The following TBC1D14 variants were observed in gnomAD, a reference collection of about 807,000 sequenced individuals.
TBC1D14 encodes TBC1 domain family, member 14.
A neutral mutation model predicts 79.0 loss-of-function variants in TBC1D14; 26 were observed. The ratio of observed to expected loss-of-function variants is 0.33; its 90% CI spans 0.24 to 0.46. The LOEUF (loss-of-function observed/expected upper bound fraction) is 0.46. TBC1D14 is among the 20% of genes least tolerant of loss of function. The pLI, the probability that TBC1D14 is intolerant of heterozygous loss-of-function variation, is 1.00. For synonymous variants in TBC1D14, 394 were observed against 349.9 expected (o/e 1.13, Z -1.40); for missense variants, 769 against 887.6 (o/e 0.87, Z 1.70).
intron 12 of TBC1D14, among the ~76,000 whole-genome samples, chr4:7,023,010 C>G (rs1054770263): frequency 6.6e-6 from 1 of 152,020 alleles, no homozygotes; most frequent in South Asian, 2.1e-4. Flanking sequence ...AATCCCAGCA[C>G]TTTGGTAGGC....
chr4:6,931,339 A>G (rs1485206267), intron 2 of TBC1D14, among the ~76,000 whole-genome samples: 2 of 152,176 alleles, frequency 1.3e-5, no homozygotes, highest in Non-Finnish European at 2.9e-5. Context: ...TTTTCCAGCC[A>G]CTGGTTTACA....
At chr4:6,920,491 A>G (rs900908101) in intron 1 of TBC1D14, among the ~76,000 whole-genome samples, 1 of 152,106 alleles carries the variant, frequency 6.6e-6, no homozygotes, top group Non-Finnish European at 1.5e-5. Context: ...ACACTGAGGC[A>G]GGCCAGGCTT....
At chr4:6,978,062 A>ACGT (rs1389457248) in intron 3 of TBC1D14, among the ~76,000 whole-genome samples, 1 of 151,272 alleles carries the variant, frequency 6.6e-6, no homozygotes, top group Non-Finnish European at 1.5e-5. Flanking sequence ...CCCGTCTGGG[A>ACGT]GGGAGGTGGG....
At chr4:6,923,281 A>T in intron 1 of TBC1D14, 92 bp from the exon 2 acceptor site, 1 of 1,393,864 alleles carries the variant, frequency 7.2e-7, no homozygotes, top group Non-Finnish European at 9.7e-7. Flanking sequence ...TTTCTCCCTT[A>T]AGTGAGATCA....
intron 12 of TBC1D14, among the ~76,000 whole-genome samples, chr4:7,022,034 T>G (rs776854651): frequency 3.3e-5 from 5 of 152,252 alleles, no homozygotes; most frequent in Non-Finnish European, 7.3e-5. Flanking sequence ...GGCTTTCAAA[T>G]CTAAATGTGG....
chr4:6,937,676 C>G (rs1189653234), intron 2 of TBC1D14, among the ~76,000 whole-genome samples: 1 of 152,174 alleles, frequency 6.6e-6, no homozygotes, highest in Non-Finnish European at 1.5e-5. Flanking sequence ...TGCACAGGTA[C>G]ACGTGCAGGG....
At chr4:7,007,174 G>C (rs2109232584) in intron 9 of TBC1D14, among the ~76,000 whole-genome samples, 1 of 152,332 alleles carries the variant, frequency 6.6e-6, no homozygotes, top group South Asian at 2.1e-4. Context: ...CTGGCAGCCT[G>C]GGTGGGTGGC....
intron 3 of TBC1D14, among the ~76,000 whole-genome samples, chr4:6,972,706 C>T (rs1305160742): frequency 6.6e-6 from 1 of 152,142 alleles, no homozygotes; most frequent in Non-Finnish European, 1.5e-5. Flanking sequence ...TTTACTGGCC[C>T]AATCAGAAAC....
At chr4:6,947,158 C>CA (rs1272704594) in intron 2 of TBC1D14, among the ~76,000 whole-genome samples, 5 of 151,300 alleles carry the variant, frequency 3.3e-5, no homozygotes, top group Admixed American at 1.3e-4. Flanking sequence ...TTCAGGAGTT[C>CA]AAGACCAGCC....
At chr4:6,924,538 C>T (rs968341767) in intron 2 of TBC1D14, among the ~76,000 whole-genome samples, 14 of 152,274 alleles carry the variant, frequency 9.2e-5, no homozygotes, top group African/African-American at 2.6e-4. Context: ...GCTGGCATGC[C>T]GGGTGTTCCA....
rs77312739 is a variant in TBC1D14 at position 6,915,952 on chromosome 4, T to TAA, written c.-18+6015_-18+6016dup. Reference sequence around the variant, plus strand: ...CAACATGGTGAAATCCCACCTCTACTAAAAAAAAAAAAAAATGCAAAAAAT... The same window carrying TAA: ...CAACATGGTGAAATCCCACCTCTACTAAAAAAAAAAAAAAAAATGCAAAAAAT... On this transcript the variant is annotated intron_variant, in intron 1 of 13. Transcript: ENST00000409757. Among the ~76,000 whole-genome samples, 7 of 137,360 alleles carry TAA rather than the reference T, an allele frequency of 5.1e-5. No individual in the cohort carries two copies. The East Asian group carries it at 1.3e-3, about 25-fold the overall frequency. 90.1% of individuals were successfully genotyped at this position (137,360 alleles called of 152,430 possible).
At chr4:6,957,634 T>C (rs986411453) in intron 2 of TBC1D14, among the ~76,000 whole-genome samples, 2 of 152,194 alleles carry the variant, frequency 1.3e-5, no homozygotes, top group Non-Finnish European at 1.5e-5. Flanking sequence ...GGGAAGAGAA[T>C]GTGTCTTTTA....
At chr4:7,023,579 AT>A (rs1303010878) in intron 12 of TBC1D14, among the ~76,000 whole-genome samples, 3 of 152,288 alleles carry the variant, frequency 2.0e-5, no homozygotes, top group Middle Eastern at 3.4e-3. Context: ...AAGGCTTGTG[AT>A]TTTAGAATCA....
Position 7,032,829 on chromosome 4 carries a change from C to T in TBC1D14, c.*2437C>T, listed in dbSNP as rs1723184756. ...ACTCTCACAGTCTAAGACTTCAGGG[C>T]CGGGACCTTTGTCCAGCCTGCACAG... On this transcript the variant is annotated 3_prime_UTR_variant, in exon 14 of 14. Transcript: ENST00000409757. The T allele has an allele frequency of 6.6e-6, 1 of 152,246 alleles. No individual in the cohort carries two copies. Among genetic ancestry groups the T allele is most frequent in the African/African-American group, 2.4e-5 (1 of 41,452 alleles). The allele number at this position is 152,246 out of a possible 1,614,324, so 9.4% of individuals were successfully genotyped here.
At chr4:6,909,615 G>A (rs1722795532), upstream of TBC1D14, 1 of 150,970 alleles carries the variant, frequency 6.6e-6, no homozygotes, top group African/African-American at 2.4e-5. Flanking sequence ...AAGGGCCGGC[G>A]ACGCCGCTCC....
intron 8 of TBC1D14, 112 bp downstream of exon 8, chr4:7,005,036 T>C: frequency 1.0e-6 from 1 of 976,552 alleles, no homozygotes; most frequent in Non-Finnish European, 1.5e-6. Context: ...TGTGGAGTCA[T>C]AAAAAGCTCC....
At chr4:6,954,075 G>A (rs928785746) in intron 2 of TBC1D14, 3 of 568,942 alleles carry the variant, frequency 5.3e-6, no homozygotes, top group Admixed American at 3.1e-5. Flanking sequence ...CAGACTTTGG[G>A]CTCACTCCTC....
chr4:7,024,795 G>A (rs779081005), intron 12 of TBC1D14, among the ~76,000 whole-genome samples: 5 of 152,212 alleles, frequency 3.3e-5, no homozygotes, highest in Non-Finnish European at 5.9e-5. Context: ...GAAGCTGTGT[G>A]CTGCATGATT....
In TBC1D14 at chr4:7,005,990, G is replaced by A. The variant is rs114269934; in HGVS notation, c.1352-642G>A. Among the ~76,000 whole-genome samples the A allele has an allele frequency of 3.2e-3, 492 of 152,254 alleles. 1 individual carries two copies. The highest frequency in any genetic ancestry group is 0.011 in the African/African-American group (463 of 41,544). On this transcript the variant is annotated intron_variant, in intron 8 of 13. Transcript: ENST00000409757. ...TTTACTGATCATTTTTACAGTCTTTGTGGTATTAGAATTCTAAAAAGTATA... is the reference window on the plus strand; with the variant it reads ...TTTACTGATCATTTTTACAGTCTTTATGGTATTAGAATTCTAAAAAGTATA...
Sources: gnomAD v4.1 joint callset for allele counts (sites outside exome capture counted in the v4.1 genomes callset) on GRCh38, gnomAD v4.1.1 for gene constraint, MANE v1.5 for transcripts, NCBI Gene and HGNC (gene_info 2026-07-23, HGNC 2026-07-21) for gene names.